The following ADARB1 variants were observed in gnomAD, a reference collection of about 807,000 sequenced individuals.
The protein encoded by ADARB1 is adenosine deaminase RNA specific B1.
ADARB1 carries 10 observed loss-of-function variants against 52.4 expected under a neutral mutation model. The observed-to-expected ratio is 0.19, with a 90% CI of 0.12 to 0.32. ADARB1 has a LOEUF of 0.32. ADARB1 is among the 10% of genes least tolerant of loss of function. ADARB1 has a pLI of 1.00. For missense variants in ADARB1, 643 were observed against 922.3 expected, an observed-to-expected ratio of 0.70 and a Z score of 3.92; for synonymous variants, 349 against 371.1, an observed-to-expected ratio of 0.94 and a Z score of 0.68.
chr21:45,162,519 G>A (rs1452012822), intron 2 of ADARB1, among the ~76,000 whole-genome samples: 1 of 152,200 alleles, frequency 6.6e-6, no homozygotes, highest in African/African-American at 2.4e-5. Flanking sequence ...CAAAACTCGG[G>A]TAAAGGCGCC....
intron 2 of ADARB1, among the ~76,000 whole-genome samples, chr21:45,130,991 C>T (rs189920218): frequency 5.3e-5 from 8 of 152,138 alleles, no homozygotes; most frequent in African/African-American, 1.9e-4. Context: ...CTCATTGCCA[C>T]CCCACACCAC....
In ADARB1 at chr21:45,182,749, T is replaced by C. The variant is rs775747648; in HGVS notation, c.1243T>C (p.Leu415=). 17 of 1,577,340 alleles carry C rather than the reference T, an allele frequency of 1.1e-5. No homozygotes were observed. The highest frequency in any genetic ancestry group is 1.5e-5 in the Non-Finnish European group (17 of 1,165,110). The change falls in exon 6 of 11, where the codon TTA becomes CTA. Residue 415 remains leucine (L), a synonymous_variant. Coordinates refer to ENST00000348831, the MANE Select transcript of ADARB1 (RefSeq NM_001112.4). ...RFLYTQLELY[L]NNKDDQKRSI... is the part of the protein sequence containing the mutation. ...TCTTTATACACAACTTGAGCTTTAC[T>C]TAAAGTAAGTTTAGTAAACAAATAA...
intron 1 of ADARB1, among the ~76,000 whole-genome samples, chr21:45,126,529 C>T (rs543590592): frequency 1.3e-5 from 2 of 152,324 alleles, no homozygotes; most frequent in South Asian, 4.1e-4. Flanking sequence ...ATTTAATCCT[C>T]ACGGCACCAT....
chr21:45,088,500 T>A (rs1382688197), intron 1 of ADARB1, among the ~76,000 whole-genome samples: 1 of 152,020 alleles, frequency 6.6e-6, no homozygotes, highest in Admixed American at 6.5e-5. Context: ...AAGAAGAAAT[T>A]GAAAAAATAA....
chr21:45,185,189 C>T lies in ADARB1; in HGVS notation c.1565+98C>T, dbSNP rs987208513. 2.8e-6 allele frequency: 4 copies of T among 1,450,816 alleles called. No homozygotes were observed. The African/African-American group carries it at 5.6e-5, about 20-fold the overall frequency. The allele number at this position is 1,450,816 out of a possible 1,614,324, so 89.9% of individuals were successfully genotyped here. On this transcript the variant is annotated intron_variant, in intron 8 of 10. Transcript: ENST00000348831. ...TTTCCACAACCATTTGAATTTTGGC[C>T]CCATTTCCCACTCAGGTGTTCCACA...
rs2088698896 is a variant in ADARB1, at chr21:45,128,013, A to G, written c.-219-389A>G. ...ACGTGCAGGGATGGTGCGTCTCTGT[A>G]TCTGGACTCACATTCACATGTGTGC... On this transcript the variant is annotated intron_variant, in intron 1 of 10. Transcript: ENST00000348831. The surrounding 1 kb of genome is among the most constrained non-coding windows in gnomAD (Gnocchi z 4.6). Among the ~76,000 whole-genome samples, 1 of 152,106 alleles carries G rather than the reference A, an allele frequency of 6.6e-6. No individual in the cohort carries two copies. The highest frequency in any genetic ancestry group is 2.4e-5 in the African/African-American group (1 of 41,432).
At chr21:45,207,976 A>G (rs1448536265) in intron 9 of ADARB1, among the ~76,000 whole-genome samples, 1 of 152,212 alleles carries the variant, frequency 6.6e-6, no homozygotes, top group African/African-American at 2.4e-5. Flanking sequence ...ACTTTCAGAA[A>G]GGTTCTTGGT....
At chr21:45,174,688 TA>T (rs2091620349) in intron 3 of ADARB1, among the ~76,000 whole-genome samples, 1 of 134,044 alleles carries the variant, frequency 7.5e-6, no homozygotes, top group Non-Finnish European at 1.6e-5. Flanking sequence ...CAAAAATACA[TA>T]CATACATACA....
intron 9 of ADARB1, among the ~76,000 whole-genome samples, chr21:45,213,460 AT>A (rs2146412905): frequency 6.6e-6 from 1 of 152,324 alleles, no homozygotes; most frequent in South Asian, 2.1e-4. Flanking sequence ...ATTTTGGCCT[AT>A]GTTTAGGTCT....
chr21:45,183,530 A>C lies in ADARB1; in HGVS notation c.1396+20A>C, dbSNP rs2146211762. The C allele has an allele frequency of 6.2e-7, 1 of 1,609,430 alleles. No individual in the cohort carries two copies. The highest frequency in any genetic ancestry group is 2.2e-5 in the East Asian group (1 of 44,758). On this transcript the variant is annotated intron_variant, in intron 7 of 10. Coordinates refer to ENST00000348831, the MANE Select transcript of ADARB1 (RefSeq NM_001112.4). ...TGGAAGGTATGAGACGAGATTCTTC[A>C]ACAAGCCAGTTTCTCAAGAAAATGT...
chr21:45,204,507 G>T lies in ADARB1; in HGVS notation c.1566-48G>T. 1 of 1,588,334 alleles carries T rather than the reference G, an allele frequency of 6.3e-7. No homozygotes were observed. Among genetic ancestry groups the T allele is most frequent in the South Asian group, 1.1e-5 (1 of 88,732 alleles). ...ACGCAGGCTTGGGCTGGGCTGCGTC[G>T]ACACTGAGTCCGAGCTCCCTGAAGA... On this transcript the variant is annotated intron_variant, in intron 8 of 10. Coordinates refer to ENST00000348831, the MANE Select transcript of ADARB1 (RefSeq NM_001112.4). This position sits in a 1 kb window ranked among gnomAD's most constrained non-coding sequence, Gnocchi z 4.4.
chr21:45,198,078 A>G (rs1005512326), intron 8 of ADARB1, among the ~76,000 whole-genome samples: 1 of 152,236 alleles, frequency 6.6e-6, no homozygotes, highest in Non-Finnish European at 1.5e-5. Flanking sequence ...ATGCTTATAT[A>G]AGTAAATGAC....
intron 8 of ADARB1, among the ~76,000 whole-genome samples, chr21:45,193,277 A>G (rs767983278): frequency 1.3e-4 from 20 of 152,386 alleles, no homozygotes; most frequent in Non-Finnish European, 2.4e-4. Context: ...TGAAAAATCA[A>G]TATAATTCAC....
rs12483598 is a variant in ADARB1 at position 45,079,568 on chromosome 21, G to A, written c.-220+4775G>A. Reference sequence around the variant, plus strand: ...GCCAGATCTGGAGGACGAGGGTTGGGTCATTGTGCAGCTACTTCCTAGATG... The same window carrying A: ...GCCAGATCTGGAGGACGAGGGTTGGATCATTGTGCAGCTACTTCCTAGATG... On this transcript the variant is annotated intron_variant, in intron 1 of 10. Transcript: ENST00000348831. Among the ~76,000 whole-genome samples, 475 of 152,256 alleles carry A rather than the reference G, an allele frequency of 3.1e-3. 4 individuals are homozygous for A. Among genetic ancestry groups the A allele is most frequent in the Middle Eastern group, 0.014 (4 of 294 alleles).
At chr21:45,173,801 G>GA (rs1008547025) in intron 3 of ADARB1, among the ~76,000 whole-genome samples, 1 of 151,822 alleles carries the variant, frequency 6.6e-6, no homozygotes, top group African/African-American at 2.4e-5. Context: ...TGTTATAAAT[G>GA]AAAATTTAGT....
At chr21:45,094,511 G>T (rs2838777) in intron 1 of ADARB1, among the ~76,000 whole-genome samples, 4,187 of 152,226 alleles carry the variant, frequency 0.028, 55 homozygotes, top group South Asian at 0.053. Flanking sequence ...CCTCACTCAC[G>T]TGCTGCCAGG....
rs537459201 is a variant in ADARB1 at position 45,221,089 on chromosome 21, C to G, written c.1926+75C>G. On this transcript the variant is annotated intron_variant, in intron 10 of 10. Coordinates refer to ENST00000348831, the MANE Select transcript of ADARB1 (RefSeq NM_001112.4). The surrounding 1 kb of genome is among the most constrained non-coding windows in gnomAD (Gnocchi z 4.9). ...TTGTCTGTCCTCACACCTACTGTTC[C>G]TTAAGTTGTTTCATCATGTCATCAT... is the stretch of plus-strand genomic sequence containing the variant. 2.9e-5 allele frequency: 43 copies of G among 1,470,602 alleles called. No individual in the cohort carries two copies. The African/African-American group carries it at 5.4e-4, about 19-fold the overall frequency. The allele number at this position is 1,470,602 out of a possible 1,614,324, so 91.1% of individuals were successfully genotyped here.
chr21:45,194,925 G>A (rs1216069382), intron 8 of ADARB1, among the ~76,000 whole-genome samples: 1 of 152,178 alleles, frequency 6.6e-6, no homozygotes, highest in Non-Finnish European at 1.5e-5. Flanking sequence ...AGTCCTTTGG[G>A]TAAGTACCAA....
chr21:45,222,196 G>A lies in ADARB1; in HGVS notation c.2105G>A (p.Ter702=). Reference sequence around the variant, plus strand: ...CAGGACCAGTTCTCACTCACGCCCTGACCCGGGCAGACATGATGGGGGGTG... The same window carrying A: ...CAGGACCAGTTCTCACTCACGCCCTAACCCGGGCAGACATGATGGGGGGTG... ...TEQDQFSLTP[*] is the part of the protein sequence containing the mutation. Residue 702 remains the stop codon, a stop_retained_variant, in exon 11 of 11, where the codon TGA becomes TAA. Coordinates refer to ENST00000348831, the MANE Select transcript of ADARB1 (RefSeq NM_001112.4). 1 of 1,560,594 alleles carries A rather than the reference G, an allele frequency of 6.4e-7. No homozygotes were observed.
Sources: allele counts gnomAD v4.1 joint callset (sites outside exome capture counted in the v4.1 genomes callset), GRCh38; gene constraint gnomAD v4.1.1; non-coding constraint Gnocchi (gnomAD v3.1); transcripts MANE v1.5; gene names NCBI Gene and HGNC (gene_info 2026-07-23, HGNC 2026-07-21).